Variants in TMCO4 observed in about 807,000 individuals in gnomAD.
TMCO4 encodes the protein transmembrane and coiled-coil domain-containing protein 4.
Under a neutral mutation model 64.7 loss-of-function variants are expected in TMCO4, and 58 were observed. The observed-to-expected ratio is 0.90, with a 90% confidence interval of 0.73 to 1.12. The LOEUF is 1.12. TMCO4 is among the 50% of genes most tolerant of loss of function. The probability of loss-of-function intolerance (pLI) is 0.00; values close to 1 mark genes in which losing one functional copy is unlikely to be tolerated. For missense variants in TMCO4, 780 were observed against 825.9 expected (o/e 0.94, Z 0.68); for synonymous variants, 325 against 346.1 (o/e 0.94, Z 0.68).
intron 14 of TMCO4, among the ~76,000 whole-genome samples, chr1:19,699,320 A>G (rs1018324161): frequency 6.6e-6 from 1 of 151,994 alleles, no homozygotes; most frequent in East Asian, 1.9e-4. Context: ...ATCTTCCCAG[A>G]ACCTCTGTAC....
At chr1:19,719,348 T>C (rs1388971116) in intron 13 of TMCO4, among the ~76,000 whole-genome samples, 1 of 152,194 alleles carries the variant, frequency 6.6e-6, no homozygotes, top group Non-Finnish European at 1.5e-5. Context: ...CATCACTATA[T>C]ACCCTCACAG....
At chr1:19,791,339 A>T (rs555495019) in intron 2 of TMCO4, among the ~76,000 whole-genome samples, 5 of 151,986 alleles carry the variant, frequency 3.3e-5, no homozygotes, top group South Asian at 2.1e-4. Context: ...AAAATTAAAA[A>T]AAAAAAGGAA....
intron 6 of TMCO4, among the ~76,000 whole-genome samples, chr1:19,763,911 C>G (rs1313782404): frequency 6.6e-6 from 1 of 152,218 alleles, no homozygotes; most frequent in Non-Finnish European, 1.5e-5. Flanking sequence ...CCTCACAGGG[C>G]AGTCTAACTC....
At chr1:19,770,133 G>T (rs72658528) in intron 6 of TMCO4, among the ~76,000 whole-genome samples, 17,816 of 152,212 alleles carry the variant, frequency 0.12, 1,137 homozygotes, top group Non-Finnish European at 0.13. Context: ...GGCGTGGTCA[G>T]GTGGGCCTTT....
intron 13 of TMCO4, among the ~76,000 whole-genome samples, chr1:19,718,658 A>G (rs1432693297): frequency 6.7e-6 from 1 of 150,166 alleles, no homozygotes; most frequent in East Asian, 1.9e-4. Flanking sequence ...CTCAAAAAAA[A>G]AAAAAAAAGA....
At chr1:19,791,517 T>C (rs1240719710) in intron 2 of TMCO4, among the ~76,000 whole-genome samples, 1 of 152,108 alleles carries the variant, frequency 6.6e-6, no homozygotes, top group African/African-American at 2.4e-5. Flanking sequence ...AGCTGTGGTG[T>C]GGGAATGCGT....
chr1:19,754,263 G>C (rs1010477326), intron 7 of TMCO4, among the ~76,000 whole-genome samples: 1 of 152,148 alleles, frequency 6.6e-6, no homozygotes, highest in Non-Finnish European at 1.5e-5. Context: ...TAACTGAGAG[G>C]TTCCTTAATT....
chr1:19,793,857 C>T (rs2044175727), intron 2 of TMCO4, among the ~76,000 whole-genome samples: 1 of 152,110 alleles, frequency 6.6e-6, no homozygotes, highest in African/African-American at 2.4e-5. Flanking sequence ...CTGGGTCACG[C>T]CTCTCCACAT....
At chr1:19,771,650 A>C (rs2042987932) in intron 4 of TMCO4, among the ~76,000 whole-genome samples, 168 bp from the exon 5 acceptor site, 1 of 151,868 alleles carries the variant, frequency 6.6e-6, no homozygotes, top group African/African-American at 2.4e-5. Context: ...GGGTGATGTA[A>C]ATTTTGTTTT....
chr1:19,789,464 G>T (rs1397415207), intron 2 of TMCO4, among the ~76,000 whole-genome samples: 2 of 152,062 alleles, frequency 1.3e-5, no homozygotes, highest in Non-Finnish European at 2.9e-5. Context: ...AAGATCAGAA[G>T]GAAATACATC....
chr1:19,748,677 T>C (rs1053991743), intron 7 of TMCO4, among the ~76,000 whole-genome samples: 6 of 151,908 alleles, frequency 3.9e-5, no homozygotes, highest in Non-Finnish European at 8.8e-5. Context: ...ACACAAAAAT[T>C]AGCCAGGCGT....
At chr1:19,796,638 G>T (rs535734842) in intron 2 of TMCO4, among the ~76,000 whole-genome samples, 2 of 151,944 alleles carry the variant, frequency 1.3e-5, no homozygotes, top group Admixed American at 6.6e-5. Flanking sequence ...GCAGTAGCTC[G>T]ATCTCGGCTC....
At chr1:19,709,849 C>T (rs918319271) in intron 13 of TMCO4, among the ~76,000 whole-genome samples, 9 of 146,960 alleles carry the variant, frequency 6.1e-5, no homozygotes, top group Non-Finnish European at 1.0e-4. Context: ...AGTGCAATGG[C>T]GTGGTCTCAG....
chr1:19,692,575 CAA>C (rs532713684), intron 15 of TMCO4, among the ~76,000 whole-genome samples: 1,559 of 63,942 alleles, frequency 0.024, 37 homozygotes, highest in African/African-American at 0.058. Flanking sequence ...ATTAAAAATA[CAA>C]AAAAAAAAAA....
At chr1:19,764,695 A>G (rs2042652305) in intron 6 of TMCO4, among the ~76,000 whole-genome samples, 1 of 152,158 alleles carries the variant, frequency 6.6e-6, no homozygotes, top group Admixed American at 6.5e-5. Context: ...TCTACTAAAA[A>G]TACACAAAAA....
At chr1:19,795,704 T>C (rs1557639678) in intron 2 of TMCO4, among the ~76,000 whole-genome samples, 1 of 152,138 alleles carries the variant, frequency 6.6e-6, no homozygotes, top group Non-Finnish European at 1.5e-5. Context: ...CATGTGGTAT[T>C]TCAACTTGTG....
chr1:19,730,844 A>G (rs1301458668), intron 13 of TMCO4, among the ~76,000 whole-genome samples: 1 of 152,200 alleles, frequency 6.6e-6, no homozygotes, highest in Admixed American at 6.5e-5. Context: ...TTACTGCTCT[A>G]TTTTGTTACT....
chr1:19,719,749 T>C (rs550269552), intron 13 of TMCO4, among the ~76,000 whole-genome samples: 1 of 152,204 alleles, frequency 6.6e-6, no homozygotes, highest in South Asian at 2.1e-4. Flanking sequence ...ATCCCAGCAT[T>C]TTGGGAGGCC....
rs1570879222 is a variant in TMCO4 at position 19,747,248 on chromosome 1, T to C, written c.528A>G (p.Ala176=). ...IKEEESEMAE[A]SRKKKENRRK... ...TCCGGTTTTCTTTCTTCTTTCGGGA[T>C]GCCTCGGCCATTCTGAGGGAAAAGA... Residue 176 remains alanine (A), a synonymous_variant, in exon 8 of 16, where the codon GCA becomes GCG. Transcript: ENST00000294543. The C allele has an allele frequency of 6.2e-7, 1 of 1,613,588 alleles. No individual in the cohort carries two copies. Among genetic ancestry groups the C allele is most frequent in the Non-Finnish European group, 8.5e-7 (1 of 1,179,912 alleles).
Sources: allele counts gnomAD v4.1 joint callset (sites outside exome capture counted in the v4.1 genomes callset), GRCh38; gene constraint gnomAD v4.1.1; transcripts MANE v1.5; gene names NCBI Gene and HGNC (gene_info 2026-07-23, HGNC 2026-07-21).